Variants in PPM1H observed in about 807,000 individuals in gnomAD.
The protein encoded by PPM1H is protein phosphatase, Mg2+/Mn2+ dependent 1H, also known as protein phosphatase 1H.
PPM1H carries 27 observed loss-of-function variants against 54.9 expected under a neutral mutation model. The observed-to-expected ratio is 0.49, with a 90% confidence interval of 0.36 to 0.68. The LOEUF (loss-of-function observed/expected upper bound fraction) is 0.68, where lower values mean the gene tolerates loss of function less well. Ranked by LOEUF, PPM1H falls within the 30% of genes least tolerant of loss-of-function variation. The pLI, the probability that PPM1H is intolerant of heterozygous loss-of-function variation, is 0.00. For missense variants in PPM1H, 596 were observed against 667.8 expected, an observed-to-expected ratio of 0.89 and a Z score of 1.19; for synonymous variants, 305 against 270.8, an observed-to-expected ratio of 1.13 and a Z score of -1.24.
At chr12:62,683,032 A>ATTTTTTTT (rs201636860) in intron 8 of PPM1H, among the ~76,000 whole-genome samples, 45 of 126,356 alleles carry the variant, frequency 3.6e-4, no homozygotes, top group South Asian at 5.2e-4. Flanking sequence ...AGAGTTTATT[A>ATTTTTTTT]TTTATTATTA....
chr12:62,822,402 G>C (rs115233277), intron 2 of PPM1H, among the ~76,000 whole-genome samples: 13,383 of 152,176 alleles, frequency 0.088, 650 homozygotes, highest in Middle Eastern at 0.13. Context: ...CCAAGAGGAC[G>C]TGACAGACAT....
At position 62,845,308 on chromosome 12, in the gene PPM1H, G is replaced by C. The variant is rs74476013; in HGVS notation, c.246-13029C>G. Among the ~76,000 whole-genome samples, 418 of 152,334 alleles carry C rather than the reference G, an allele frequency of 2.7e-3. 2 individuals are homozygous for C. Among genetic ancestry groups the C allele is most frequent in the African/African-American group, 9.8e-3 (407 of 41,572 alleles). On this transcript the variant is annotated intron_variant, in intron 1 of 9. Coordinates refer to ENST00000228705, the MANE Select transcript of PPM1H (RefSeq NM_020700.2). ...GCTTATGACCTCCCAGGGATACTCT[G>C]AGGATCTCTGCATGGAATGGGAAGT...
intron 5 of PPM1H, among the ~76,000 whole-genome samples, chr12:62,730,746 C>T (rs1314174889): frequency 6.6e-6 from 1 of 151,914 alleles, no homozygotes; most frequent in African/African-American, 2.4e-5. Context: ...GGAAGCCTTG[C>T]AATTCAAGAT....
At chr12:62,682,179 T>A (rs1853614856) in intron 8 of PPM1H, among the ~76,000 whole-genome samples, 1 of 152,218 alleles carries the variant, frequency 6.6e-6, no homozygotes, top group Non-Finnish European at 1.5e-5. Context: ...AGAATTACTG[T>A]TACCATTTTT....
chr12:62,881,605 A>T (rs975490259), intron 1 of PPM1H, among the ~76,000 whole-genome samples: 1 of 152,142 alleles, frequency 6.6e-6, no homozygotes, highest in Non-Finnish European at 1.5e-5. Context: ...CATCCCTTTA[A>T]TTCATACATA....
At chr12:62,690,568 TA>T (rs1429494618) in intron 7 of PPM1H, among the ~76,000 whole-genome samples, 1 of 152,220 alleles carries the variant, frequency 6.6e-6, no homozygotes, top group Non-Finnish European at 1.5e-5. Flanking sequence ...TCAGCTTAAA[TA>T]TCTCCTGTTA....
At chr12:62,800,561 A>G (rs952694140) in intron 3 of PPM1H, among the ~76,000 whole-genome samples, 4 of 151,488 alleles carry the variant, frequency 2.6e-5, no homozygotes, top group African/African-American at 4.9e-5. Flanking sequence ...CTGGTCTCGA[A>G]CTCCTGACCT....
intron 3 of PPM1H, among the ~76,000 whole-genome samples, chr12:62,800,530 G>A (rs150743975): frequency 6.6e-6 from 1 of 152,012 alleles, no homozygotes; most frequent in East Asian, 1.9e-4. Flanking sequence ...GTAGAGACGG[G>A]GTTGCACCTT....
intron 2 of PPM1H, among the ~76,000 whole-genome samples, chr12:62,829,457 G>A (rs1442265590): frequency 2.0e-5 from 3 of 152,134 alleles, no homozygotes; most frequent in African/African-American, 4.8e-5. Flanking sequence ...GTGAATATAC[G>A]TAATGCCACT....
intron 3 of PPM1H, among the ~76,000 whole-genome samples, chr12:62,797,626 C>A (rs1465869512): frequency 6.6e-6 from 1 of 152,034 alleles, no homozygotes; most frequent in Non-Finnish European, 1.5e-5. Context: ...AAGGTTTACA[C>A]GGTAAGACAA....
At chr12:62,670,090 G>T (rs975383871) in intron 8 of PPM1H, among the ~76,000 whole-genome samples, 3 of 137,718 alleles carry the variant, frequency 2.2e-5, no homozygotes, top group African/African-American at 8.2e-5. Context: ...CGATTCTCCT[G>T]CTTCAGCCTC....
intron 4 of PPM1H, among the ~76,000 whole-genome samples, chr12:62,750,574 A>T (rs1420727324): frequency 6.6e-6 from 1 of 152,226 alleles, no homozygotes; most frequent in Non-Finnish European, 1.5e-5. Context: ...GCTGCTATGA[A>T]CATTTGTGTA....
intron 4 of PPM1H, chr12:62,755,817 G>C: frequency 1.2e-6 from 1 of 868,742 alleles, no homozygotes; most frequent in South Asian, 1.4e-5. Context: ...AAACTGTGGT[G>C]TGACAGCCAC....
chr12:62,650,609 A>AAAAG (rs2075810313), intron 9 of PPM1H, among the ~76,000 whole-genome samples: 1 of 152,240 alleles, frequency 6.6e-6, no homozygotes, highest in Non-Finnish European at 1.5e-5. Context: ...ATTTATAAGC[A>AAAAG]AAAGAGGTTT....
At chr12:62,724,416 C>T (rs936662701) in intron 5 of PPM1H, among the ~76,000 whole-genome samples, 1 of 152,126 alleles carries the variant, frequency 6.6e-6, no homozygotes, top group Non-Finnish European at 1.5e-5. Context: ...GACCCTTGGG[C>T]TCTTTTTGGC....
At chr12:62,851,040 T>C (rs953949939) in intron 1 of PPM1H, 1 of 152,332 alleles carries the variant, frequency 6.6e-6, no homozygotes, top group Admixed American at 6.5e-5. Context: ...TTGAAATACA[T>C]GTATTTTTTA....
At chr12:62,797,911 G>A (rs913645762) in intron 3 of PPM1H, among the ~76,000 whole-genome samples, 14 of 152,280 alleles carry the variant, frequency 9.2e-5, no homozygotes, top group African/African-American at 2.9e-4. Flanking sequence ...TGAAATGGGA[G>A]AGTATTAACA....
At chr12:62,820,319 G>A (rs2076895294) in intron 2 of PPM1H, among the ~76,000 whole-genome samples, 1 of 152,232 alleles carries the variant, frequency 6.6e-6, no homozygotes, top group African/African-American at 2.4e-5. Flanking sequence ...CCACCTCTGA[G>A]GGCAGGGCGT....
chr12:62,744,548 A>G (rs1475441755), intron 4 of PPM1H, among the ~76,000 whole-genome samples: 1 of 152,146 alleles, frequency 6.6e-6, no homozygotes, highest in Non-Finnish European at 1.5e-5. Context: ...AGAAAAGTAA[A>G]CTGCAGAGTA....
Sources: gnomAD v4.1 joint callset for allele counts (sites outside exome capture counted in the v4.1 genomes callset) on GRCh38, gnomAD v4.1.1 for gene constraint, MANE v1.5 for transcripts, NCBI Gene and HGNC (gene_info 2026-07-23, HGNC 2026-07-21) for gene names.